LDLRAD3: variants seen among roughly 807,000 people sequenced by gnomAD.
The protein encoded by LDLRAD3 is low-density lipoprotein receptor class A domain-containing protein 3.
LDLRAD3 carries 20 observed loss-of-function variants against 29.4 expected under a neutral mutation model. That is an observed-to-expected ratio of 0.68 (90% confidence interval 0.48 to 0.99). The LOEUF is 0.99. Among genes scored for constraint, LDLRAD3 ranks in the 50% least tolerant of loss-of-function variants. The pLI is 0.00. For missense variants in LDLRAD3, 420 were observed against 454.3 expected, an observed-to-expected ratio of 0.92 and a Z score of 0.69; for synonymous variants, 157 against 192.7, an observed-to-expected ratio of 0.81 and a Z score of 1.53.
Position 36,229,142 on chromosome 11 carries a change from C to A in LDLRAD3, c.801-18C>A, listed in dbSNP as rs755767754. The A allele has an allele frequency of 5.7e-6, 9 of 1,576,640 alleles. No individual in the cohort carries two copies. The highest frequency in any genetic ancestry group is 7.0e-6 in the Non-Finnish European group (8 of 1,146,334). Reference sequence around the variant, plus strand: ...TCCTGTCTCCATTGCCCCTGCCCCCCTGCTGTCCCCATCACAGGCCTGCGT... The same window carrying A: ...TCCTGTCTCCATTGCCCCTGCCCCCATGCTGTCCCCATCACAGGCCTGCGT... On this transcript the variant is annotated intron_variant, in intron 5 of 5. Transcript: ENST00000315571.
chr11:35,973,961 A>C (rs1381789226), intron 1 of LDLRAD3, among the ~76,000 whole-genome samples: 1 of 152,196 alleles, frequency 6.6e-6, no homozygotes, highest in Admixed American at 6.5e-5. Flanking sequence ...ATCTTTCCAT[A>C]AGTGTAAGAA....
Position 36,231,758 on chromosome 11 carries a change from GGT to G in LDLRAD3, c.*2362_*2363del, listed in dbSNP as rs1855579559. ...GGCAGGGTTTTTTTGGGGGGGAGGG[GGT>G]TTGTTTTCCAACTCAAGATGGCACA... On this transcript the variant is annotated 3_prime_UTR_variant, in exon 6 of 6. Coordinates refer to ENST00000315571, the MANE Select transcript of LDLRAD3 (RefSeq NM_174902.4). The G allele has an allele frequency of 1.3e-5, 2 of 151,848 alleles. No homozygotes were observed. Among genetic ancestry groups the G allele is most frequent in the East Asian group, 3.9e-4 (2 of 5,190 alleles). 9.4% of individuals were successfully genotyped at this position (151,848 alleles called of 1,614,324 possible). A position where few individuals can be genotyped will look rare whatever the true frequency, so the allele number is the denominator to read the frequency against.
chr11:36,230,131 C>T lies in LDLRAD3; in HGVS notation c.*734C>T, dbSNP rs1412618753. ...ATCCTAAAATAGGCAGGGAGCCCCT[C>T]CCATGAGTTTATCCAAGTTCTCAGC... On this transcript the variant is annotated 3_prime_UTR_variant, in exon 6 of 6. Coordinates refer to ENST00000315571, the MANE Select transcript of LDLRAD3 (RefSeq NM_174902.4). 2.6e-5 allele frequency: 4 copies of T among 152,242 alleles called. No homozygotes were observed. The highest frequency in any genetic ancestry group is 9.7e-5 in the African/African-American group (4 of 41,444). 9.4% of individuals were successfully genotyped at this position (152,242 alleles called of 1,614,324 possible).
intron 1 of LDLRAD3, among the ~76,000 whole-genome samples, chr11:36,032,117 C>G (rs1469579581): frequency 6.6e-6 from 1 of 152,190 alleles, no homozygotes; most frequent in Admixed American, 6.5e-5. Flanking sequence ...ACCCTAATGC[C>G]ATTGTTTTAA....
intron 2 of LDLRAD3, among the ~76,000 whole-genome samples, chr11:36,042,240 G>A (rs1430810649): frequency 6.6e-6 from 1 of 152,058 alleles, no homozygotes; most frequent in African/African-American, 2.4e-5. Context: ...TGCACTGCAG[G>A]GCAAGTAGAG....
intron 4 of LDLRAD3, among the ~76,000 whole-genome samples, chr11:36,206,040 CT>C (rs912475142): frequency 6.6e-6 from 1 of 152,162 alleles, no homozygotes. Flanking sequence ...GCTAGAGGCC[CT>C]CAACTTTTGG....
intron 4 of LDLRAD3, among the ~76,000 whole-genome samples, chr11:36,204,023 A>AC (rs914534654): frequency 6.6e-6 from 1 of 151,762 alleles, no homozygotes; most frequent in Admixed American, 6.6e-5. Context: ...TTAAAAAAAA[A>AC]AAAATCCATC....
At chr11:36,157,797 AG>A (rs1854376356) in intron 4 of LDLRAD3, among the ~76,000 whole-genome samples, 1 of 152,146 alleles carries the variant, frequency 6.6e-6, no homozygotes, top group Non-Finnish European at 1.5e-5. Context: ...CTGGTGGTTG[AG>A]GAAACATCTT....
intron 4 of LDLRAD3, among the ~76,000 whole-genome samples, chr11:36,139,699 G>A (rs1460884868): frequency 6.6e-6 from 1 of 152,170 alleles, no homozygotes; most frequent in African/African-American, 2.4e-5. Context: ...TGCCAGTTTC[G>A]GGAGGGCAGC....
At chr11:36,127,259 A>T (rs1006853339) in intron 4 of LDLRAD3, among the ~76,000 whole-genome samples, 1 of 152,254 alleles carries the variant, frequency 6.6e-6, no homozygotes, top group Non-Finnish European at 1.5e-5. Context: ...ACAGATTTGC[A>T]TATGGAATTG....
At chr11:36,021,311 G>A (rs540853109) in intron 1 of LDLRAD3, among the ~76,000 whole-genome samples, 16 of 152,290 alleles carry the variant, frequency 1.1e-4, no homozygotes, top group African/African-American at 3.6e-4. Context: ...GCAGTTGGGA[G>A]CAAAACTCTG....
chr11:35,967,142 A>G (rs559177381), intron 1 of LDLRAD3: 10 of 191,832 alleles, frequency 5.2e-5, no homozygotes, highest in Admixed American at 1.6e-4. Context: ...GTCTCCCTGC[A>G]GGGACTGGGC....
intron 2 of LDLRAD3, among the ~76,000 whole-genome samples, chr11:36,050,232 A>G (rs920500068): frequency 6.6e-6 from 1 of 152,210 alleles, no homozygotes; most frequent in Non-Finnish European, 1.5e-5. Context: ...TTAGCCAATG[A>G]CAAGTGAACT....
intron 1 of LDLRAD3, among the ~76,000 whole-genome samples, chr11:35,991,169 T>A (rs1009944933): frequency 2.0e-5 from 3 of 152,228 alleles, no homozygotes; most frequent in Admixed American, 1.3e-4. Context: ...AGGTTGCGTA[T>A]AAGAGCCCCC....
At chr11:36,105,238 T>TGTGTGTGTGTGTGTGAGA (rs1343780985) in intron 4 of LDLRAD3, among the ~76,000 whole-genome samples, 1,298 of 128,238 alleles carry the variant, frequency 0.01, 7 homozygotes, top group East Asian at 0.049. Flanking sequence ...TGTGTGTGTG[T>TGTGTGTGTGTGTGTGAGA]GAGAGAGAGA....
intron 1 of LDLRAD3, among the ~76,000 whole-genome samples, chr11:36,025,533 C>G (rs1301931289): frequency 2.0e-5 from 3 of 151,748 alleles, no homozygotes; most frequent in Admixed American, 2.0e-4. Context: ...GGACTATAGG[C>G]GCCCGCCACC....
chr11:36,109,001 A>G (rs1853570454), intron 4 of LDLRAD3, among the ~76,000 whole-genome samples: 1 of 151,678 alleles, frequency 6.6e-6, no homozygotes, highest in Non-Finnish European at 1.5e-5. Flanking sequence ...TTCTCACTGA[A>G]GGCAGGCCAG....
At chr11:36,166,061 G>T (rs1854511260) in intron 4 of LDLRAD3, among the ~76,000 whole-genome samples, 1 of 150,682 alleles carries the variant, frequency 6.6e-6, no homozygotes, top group Admixed American at 6.7e-5. Flanking sequence ...TAGGTGAAGG[G>T]CTGACAGAGG....
chr11:36,169,535 G>C (rs147550268), intron 4 of LDLRAD3, among the ~76,000 whole-genome samples: 6 of 152,302 alleles, frequency 3.9e-5, no homozygotes, highest in Admixed American at 2.6e-4. Flanking sequence ...ATGTAAGTGA[G>C]AACATGTAAT....
Sources: allele counts gnomAD v4.1 joint callset (sites outside exome capture counted in the v4.1 genomes callset), GRCh38; gene constraint gnomAD v4.1.1; transcripts MANE v1.5; gene names NCBI Gene and HGNC (gene_info 2026-07-23, HGNC 2026-07-21).